The following NRG3 variants were observed in gnomAD, a reference collection of about 807,000 sequenced individuals.
NRG3 encodes the protein neuregulin 3, also known as pro-neuregulin-3, membrane-bound isoform.
NRG3 carries 31 observed loss-of-function variants against 66.9 expected under a neutral mutation model. The ratio of observed to expected loss-of-function variants is 0.46; its 90% CI spans 0.35 to 0.63. The LOEUF is 0.63. Among genes scored for constraint, NRG3 ranks in the 20% least tolerant of loss-of-function variants. NRG3 has a pLI of 0.00. For synonymous variants in NRG3, 393 were observed against 359.4 expected, an observed-to-expected ratio of 1.09 and a Z score of -1.06; for missense variants, 910 against 878.9, an observed-to-expected ratio of 1.04 and a Z score of -0.45.
intron 2 of NRG3, among the ~76,000 whole-genome samples, chr10:82,568,734 T>G (rs546074351): frequency 1.3e-5 from 2 of 151,950 alleles, no homozygotes; most frequent in East Asian, 3.9e-4. Context: ...CAAATTACGT[T>G]TATTGGATCT....
chr10:82,343,365 C>G (rs762577819), intron 1 of NRG3, among the ~76,000 whole-genome samples: 1 of 152,066 alleles, frequency 6.6e-6, no homozygotes, highest in Non-Finnish European at 1.5e-5. Flanking sequence ...AAGATCTCTA[C>G]AAGCAAAACT....
At chr10:82,451,572 C>T (rs2091019561) in intron 2 of NRG3, among the ~76,000 whole-genome samples, 1 of 152,112 alleles carries the variant, frequency 6.6e-6, no homozygotes, top group Non-Finnish European at 1.5e-5. Flanking sequence ...GCCAACCTTA[C>T]ATTCATCTCA....
intron 2 of NRG3, among the ~76,000 whole-genome samples, chr10:82,413,335 A>G (rs1267070510): frequency 6.6e-6 from 1 of 152,182 alleles, no homozygotes; most frequent in Non-Finnish European, 1.5e-5. Context: ...TTGTCAATGA[A>G]CAGTAATATT....
intron 2 of NRG3, among the ~76,000 whole-genome samples, chr10:82,628,331 A>G (rs550215679): frequency 1.3e-5 from 2 of 152,272 alleles, no homozygotes; most frequent in East Asian, 1.9e-4. Flanking sequence ...ATTCTCTAGC[A>G]TATTTTTCCT....
At position 82,973,882 on chromosome 10, in the gene NRG3, C is replaced by T; in HGVS notation, c.1379C>T (p.Pro460Leu). 1 of 1,614,088 alleles carries T rather than the reference C, an allele frequency of 6.2e-7. No homozygotes were observed. Among genetic ancestry groups the T allele is most frequent in the Non-Finnish European group, 8.5e-7 (1 of 1,179,976 alleles). ...CAGTCATTCCCTGAGGTCCCTTCTCCTGACAGAGGAAGCCAGTCTGTCAAA... is the reference window on the plus strand; with the variant it reads ...CAGTCATTCCCTGAGGTCCCTTCTCTTGACAGAGGAAGCCAGTCTGTCAAA... ...GPQSFPEVPS[P>L]DRGSQSVKHH... The change falls in exon 7 of 9, where the codon CCT becomes CTT. Residue 460 changes from proline to leucine, a missense_variant. By Grantham distance (98) the Pro-to-Leu change is moderately conservative. Coordinates refer to ENST00000372141, the MANE Select transcript of NRG3 (RefSeq NM_001010848.4).
At chr10:82,746,629 A>G (rs1394769714) in intron 3 of NRG3, among the ~76,000 whole-genome samples, 1 of 152,172 alleles carries the variant, frequency 6.6e-6, no homozygotes, top group Non-Finnish European at 1.5e-5. Context: ...GTGTTATGGA[A>G]TGGTTCTAGA....
chr10:82,897,457 CT>C (rs1013606109), intron 4 of NRG3, among the ~76,000 whole-genome samples: 18 of 151,502 alleles, frequency 1.2e-4, no homozygotes, highest in South Asian at 2.1e-4. Flanking sequence ...CCCAAGGCTT[CT>C]TTTTTTTTCT....
intron 3 of NRG3, among the ~76,000 whole-genome samples, chr10:82,760,100 C>A (rs1408116485): frequency 6.6e-6 from 1 of 152,094 alleles, no homozygotes; most frequent in Non-Finnish European, 1.5e-5. Flanking sequence ...CAGCAATAAG[C>A]ATTTGGCTGT....
intron 5 of NRG3, among the ~76,000 whole-genome samples, chr10:82,956,171 G>T (rs1850030397): frequency 2.0e-5 from 3 of 151,968 alleles, no homozygotes; most frequent in Admixed American, 2.0e-4. Context: ...GATTAATGAT[G>T]TCTACTATTC....
At chr10:82,575,582 G>A (rs1417663010) in intron 2 of NRG3, among the ~76,000 whole-genome samples, 1 of 151,632 alleles carries the variant, frequency 6.6e-6, no homozygotes, top group Non-Finnish European at 1.5e-5. Flanking sequence ...TTGTGATGCA[G>A]AACAATTGTT....
At chr10:81,878,881 G>T (rs1841925789) in intron 1 of NRG3, among the ~76,000 whole-genome samples, 1 of 152,162 alleles carries the variant, frequency 6.6e-6, no homozygotes, top group Non-Finnish European at 1.5e-5. Flanking sequence ...GAAGGATCCT[G>T]TCTGTAAGGA....
At chr10:82,669,105 A>T (rs2053039940) in intron 2 of NRG3, among the ~76,000 whole-genome samples, 1 of 152,158 alleles carries the variant, frequency 6.6e-6, no homozygotes, top group Non-Finnish European at 1.5e-5. Flanking sequence ...AAGTAGAATC[A>T]GAGATGTGTA....
intron 1 of NRG3, among the ~76,000 whole-genome samples, chr10:81,968,059 A>G (rs1441909732): frequency 1.3e-5 from 2 of 152,190 alleles, no homozygotes; most frequent in Non-Finnish European, 2.9e-5. Flanking sequence ...TTATTTTCCT[A>G]GTAGTTTTCT....
At chr10:82,047,030 C>CT (rs35013167) in intron 1 of NRG3, among the ~76,000 whole-genome samples, 53,702 of 149,124 alleles carry the variant, frequency 0.36, 10,952 homozygotes, top group South Asian at 0.49. Flanking sequence ...CTAAAATTCT[C>CT]TTTCTTGGTT....
intron 2 of NRG3, among the ~76,000 whole-genome samples, chr10:82,627,652 C>T (rs1034915174): frequency 6.6e-5 from 10 of 152,082 alleles, no homozygotes; most frequent in African/African-American, 2.4e-4. Context: ...TTCTTCTACA[C>T]AAAGAGGCCC....
intron 1 of NRG3, among the ~76,000 whole-genome samples, chr10:82,262,777 C>T (rs2078097588): frequency 6.6e-6 from 1 of 152,164 alleles, no homozygotes; most frequent in Non-Finnish European, 1.5e-5. Context: ...ATGTGATCTG[C>T]TTTTTCCCTT....
intron 1 of NRG3, among the ~76,000 whole-genome samples, chr10:82,202,448 C>T (rs1471492203): frequency 6.6e-6 from 1 of 152,136 alleles, no homozygotes; most frequent in African/African-American, 2.4e-5. Context: ...AAGTCCAAAG[C>T]GTGCGTAAGA....
chr10:81,962,298 C>A (rs913885939), intron 1 of NRG3, among the ~76,000 whole-genome samples: 1 of 152,168 alleles, frequency 6.6e-6, no homozygotes, highest in Non-Finnish European at 1.5e-5. Context: ...CTGGGCCTGC[C>A]AGTAGAAGCC....
intron 3 of NRG3, among the ~76,000 whole-genome samples, chr10:82,863,057 G>C (rs889169778): frequency 1.3e-5 from 2 of 152,062 alleles, no homozygotes; most frequent in Admixed American, 1.3e-4. Context: ...TCGCCTCCCT[G>C]TGTTCATGTG....
Sources: allele counts gnomAD v4.1 joint callset (sites outside exome capture counted in the v4.1 genomes callset), GRCh38; gene constraint gnomAD v4.1.1; transcripts MANE v1.5; gene names NCBI Gene and HGNC (gene_info 2026-07-23, HGNC 2026-07-21).